ITPRID2: variants seen among roughly 807,000 people sequenced by gnomAD.
ITPRID2 encodes the protein ITPR interacting domain containing 2.
ITPRID2 carries 60 observed loss-of-function variants against 124.3 expected under a neutral mutation model. The ratio of observed to expected loss-of-function variants is 0.48; its 90% CI spans 0.39 to 0.60. The LOEUF (loss-of-function observed/expected upper bound fraction) is 0.60. Among genes scored for constraint, ITPRID2 ranks in the 20% least tolerant of loss-of-function variants. The pLI is 0.00. For missense variants in ITPRID2, 1,553 were observed against 1,512.2 expected (o/e 1.03, Z -0.45); for synonymous variants, 521 against 542.9 (o/e 0.96, Z 0.56).
Position 181,921,970 on chromosome 2 carries a change from A to G in ITPRID2, c.3233A>G (p.Gln1078Arg). 2 of 1,614,232 alleles carry G rather than the reference A, an allele frequency of 1.2e-6. No homozygotes were observed. Among genetic ancestry groups the G allele is most frequent in the South Asian group, 1.1e-5 (1 of 91,092 alleles). Residue 1078 changes from glutamine (Q) to arginine (R), a missense_variant, in exon 16 of 18, where the codon CAG (glutamine) becomes CGG (arginine). By Grantham distance (43) the Gln-to-Arg change is conservative. Coordinates refer to ENST00000431877, the MANE Select transcript of ITPRID2 (RefSeq NM_001130445.3). ...CAGGTCACTGAACTGATGCAGGAGC[A>G]GTCATACCTGAAGTCTGAATTGGGC... Reference protein sequence around the residue: ...MEPVTELMQEQSYLKSELGLG... With the variant: ...MEPVTELMQERSYLKSELGLG...
Position 181,910,676 on chromosome 2 carries a change from T to G in ITPRID2, c.1486+705T>G, listed in dbSNP as rs78920721. 1.7e-6 allele frequency: 1 copy of G among 573,968 alleles called. No individual in the cohort carries two copies. The highest frequency in any genetic ancestry group is 3.2e-6 in the Non-Finnish European group (1 of 315,148). 35.6% of individuals were successfully genotyped at this position (573,968 alleles called of 1,614,324 possible). On this transcript the variant is annotated intron_variant, in intron 9 of 17. Coordinates refer to ENST00000431877, the MANE Select transcript of ITPRID2 (RefSeq NM_001130445.3). This position sits in a 1 kb window ranked among gnomAD's most constrained non-coding sequence, Gnocchi z 4.1. ...ACTTTACACATGCTGAACCACCCTG[T>G]TTTTTTTTTAAACAAAGATTCGTAT...
chr2:181,898,953 AATG>A, intron 5 of ITPRID2, 34 bp downstream of exon 5: 1 of 1,600,854 alleles, frequency 6.2e-7, no homozygotes, highest in Non-Finnish European at 8.5e-7. Context: ...TCTTTTAAAA[AATG>A]AAGACCTTTA....
chr2:181,909,912 A>C lies in ITPRID2; in HGVS notation c.1427A>C (p.Glu476Ala). 1 of 1,613,246 alleles carries C rather than the reference A, an allele frequency of 6.2e-7. No homozygotes were observed. The highest frequency in any genetic ancestry group is 8.5e-7 in the Non-Finnish European group (1 of 1,179,316). ...SFEMEEVQST[E>A]GEAPHVPATY... ...ACTCTTCTTAAGGTTCAAAGTACGG[A>C]GGGAGAAGCTCCTCATGTTCCAGCC... Residue 476 changes from glutamate to alanine, a missense_variant, in exon 9 of 18, where the codon GAG becomes GCG. By Grantham distance (107) the Glu-to-Ala change is moderately radical. Coordinates refer to ENST00000431877, the MANE Select transcript of ITPRID2 (RefSeq NM_001130445.3).
At chr2:181,929,036 G>T (rs1011349419) in intron 17 of ITPRID2, among the ~76,000 whole-genome samples, 2 of 151,504 alleles carry the variant, frequency 1.3e-5, no homozygotes, top group Non-Finnish European at 2.9e-5. Flanking sequence ...TCTTTTATAT[G>T]TCTGTCTTAG....
chr2:181,916,309 C>G lies in ITPRID2; in HGVS notation c.2669C>G (p.Ser890Ter). ...GCTTCCCCTTTCGGGTGTCCTTACT[C>G]ACATAGACATGCCACCTACCCTTAC... ...AFASPFGCPY[S>*]HRHATYPYRV... Residue 890 changes from serine (S) to a stop codon, truncating the protein, a stop_gained, in exon 11 of 18, where the codon TCA (serine) becomes TGA (stop). Transcript: ENST00000431877. LOFTEE classifies it high-confidence loss of function. The G allele has an allele frequency of 6.2e-7, 1 of 1,614,224 alleles. No homozygotes were observed. Among genetic ancestry groups the G allele is most frequent in the Non-Finnish European group, 8.5e-7 (1 of 1,180,042 alleles).
chr2:181,892,605 C>T lies in ITPRID2; in HGVS notation c.212-10C>T. On this transcript the variant is annotated splice_polypyrimidine_tract_variant and intron_variant, in intron 1 of 17. Transcript: ENST00000431877. This position sits in a 1 kb window ranked among gnomAD's most constrained non-coding sequence, Gnocchi z 5.2. ...GGTGGTAACGTGCTGTCCCCTCTCT[C>T]TACCCCCAGGAAACGTGCCCAACGA... is the stretch of plus-strand genomic sequence containing the variant. 1 of 1,614,164 alleles carries T rather than the reference C, an allele frequency of 6.2e-7. No individual in the cohort carries two copies. The highest frequency in any genetic ancestry group is 8.5e-7 in the Non-Finnish European group (1 of 1,180,000).
chr2:181,918,252 A>G, intron 11 of ITPRID2: 1 of 1,002,764 alleles, frequency 1.0e-6, no homozygotes, highest in Non-Finnish European at 1.2e-6. Context: ...AAAGTTAATA[A>G]TCACTATAAT....
Position 181,915,989 on chromosome 2 carries a change from G to C in ITPRID2, c.2349G>C (p.Leu783Phe). ...YKYTPEEEQE[L>F]EKRVMEHDGQ... Reference sequence around the variant, plus strand: ...ACACACCTGAAGAGGAGCAGGAATTGGAAAAGCGGGTGATGGAACATGATG... The same window carrying C: ...ACACACCTGAAGAGGAGCAGGAATTCGAAAAGCGGGTGATGGAACATGATG... The change falls in exon 11 of 18, where the codon TTG becomes TTC. Residue 783 changes from leucine to phenylalanine, a missense_variant. Leu to Phe is a conservative substitution (Grantham distance 22). Coordinates refer to ENST00000431877, the MANE Select transcript of ITPRID2 (RefSeq NM_001130445.3). 6.2e-7 allele frequency: 1 copy of C among 1,614,040 alleles called. No individual in the cohort carries two copies.
intron 14 of ITPRID2, among the ~76,000 whole-genome samples, chr2:181,920,080 C>T (rs1396007155): frequency 1.3e-5 from 2 of 152,008 alleles, no homozygotes; most frequent in Non-Finnish European, 2.9e-5. Context: ...TTGCAAATAT[C>T]TTTGAAGTTG....
intron 8 of ITPRID2, among the ~76,000 whole-genome samples, chr2:181,909,356 G>T (rs1693415552): frequency 6.6e-6 from 1 of 152,148 alleles, no homozygotes; most frequent in South Asian, 2.1e-4. Context: ...TTTCAAAGAT[G>T]CGAGACTTAT....
At chr2:181,900,097 A>T (rs1258223779) in intron 6 of ITPRID2, among the ~76,000 whole-genome samples, 1 of 152,178 alleles carries the variant, frequency 6.6e-6, no homozygotes, top group Admixed American at 6.5e-5. Flanking sequence ...TTTAATTCCC[A>T]ATAGGATTAG....
chr2:181,923,204 C>T (rs1694611111), intron 16 of ITPRID2, among the ~76,000 whole-genome samples: 1 of 152,036 alleles, frequency 6.6e-6, no homozygotes, highest in South Asian at 2.1e-4. Flanking sequence ...GCACTGAGAT[C>T]AGGTAATAGG....
intron 9 of ITPRID2, among the ~76,000 whole-genome samples, chr2:181,913,254 A>G (rs1199337372): frequency 6.6e-6 from 1 of 152,096 alleles, no homozygotes; most frequent in Admixed American, 6.5e-5. Flanking sequence ...TTTTTAGTAC[A>G]GACGGGCTTT....
chr2:181,923,536 C>T (rs1694636599), intron 16 of ITPRID2, among the ~76,000 whole-genome samples: 1 of 152,296 alleles, frequency 6.6e-6, no homozygotes, highest in African/African-American at 2.4e-5. Context: ...ACTCAGCATT[C>T]ACCCTACTCG....
In ITPRID2 at chr2:181,910,417, C is replaced by T. The variant is rs574022957; in HGVS notation, c.1486+446C>T. ...ACCAATTTTTTAGCAATAGTTAAAG[C>T]TAGTTAAATTCAAACTATGGGTCGA... On this transcript the variant is annotated intron_variant, in intron 9 of 17. Coordinates refer to ENST00000431877, the MANE Select transcript of ITPRID2 (RefSeq NM_001130445.3). This position sits in a 1 kb window ranked among gnomAD's most constrained non-coding sequence, Gnocchi z 4.1. 1 of 520,658 alleles carries T rather than the reference C, an allele frequency of 1.9e-6. No homozygotes were observed. The highest frequency in any genetic ancestry group is 3.4e-6 in the Non-Finnish European group (1 of 291,220). The allele number at this position is 520,658 out of a possible 1,614,324, so 32.3% of individuals were successfully genotyped here.
At chr2:181,908,615 ATGAGTAG>A (rs1486346597) in intron 8 of ITPRID2, among the ~76,000 whole-genome samples, 1 of 152,202 alleles carries the variant, frequency 6.6e-6, no homozygotes, top group Non-Finnish European at 1.5e-5. Flanking sequence ...ATGGTTTTGC[ATGAGTAG>A]TGTGCTTTCA....
chr2:181,893,659 G>A (rs1354576330), intron 2 of ITPRID2: 1 of 152,090 alleles, frequency 6.6e-6, no homozygotes, highest in Non-Finnish European at 1.5e-5. Context: ...GAAATATGAT[G>A]ACATATATGG....
intron 8 of ITPRID2, among the ~76,000 whole-genome samples, chr2:181,909,263 A>T (rs1693407591): frequency 6.6e-6 from 1 of 152,176 alleles, no homozygotes; most frequent in Admixed American, 6.5e-5. Context: ...TTCAGGACAA[A>T]GCAGTCTTAA....
Position 181,892,452 on chromosome 2 carries a change from C to G in ITPRID2, c.212-163C>G. 8.8e-7 allele frequency: 1 copy of G among 1,134,136 alleles called. No homozygotes were observed. The highest frequency in any genetic ancestry group is 1.3e-6 in the Non-Finnish European group (1 of 787,584). 70.3% of individuals were successfully genotyped at this position (1,134,136 alleles called of 1,614,324 possible). A position where few individuals can be genotyped will look rare whatever the true frequency, so the allele number is the denominator to read the frequency against. Reference sequence around the variant, plus strand: ...GAACGAGGCGCCCCCAGCGTCAACACAGACAACTGGGTGCCATCCGATTTC... The same window carrying G: ...GAACGAGGCGCCCCCAGCGTCAACAGAGACAACTGGGTGCCATCCGATTTC... On this transcript the variant is annotated intron_variant, in intron 1 of 17. Coordinates refer to ENST00000431877, the MANE Select transcript of ITPRID2 (RefSeq NM_001130445.3). The surrounding 1 kb of genome is among the most constrained non-coding windows in gnomAD (Gnocchi z 5.2).
Sources: allele counts gnomAD v4.1 joint callset (sites outside exome capture counted in the v4.1 genomes callset), GRCh38; gene constraint gnomAD v4.1.1; non-coding constraint Gnocchi (gnomAD v3.1); transcripts MANE v1.5; gene names NCBI Gene and HGNC (gene_info 2026-07-23, HGNC 2026-07-21).